The following NBAS variants were observed in gnomAD, a reference collection of about 807,000 sequenced individuals.
NBAS encodes NAG/BC035112 fusion.
In NBAS, 219 loss-of-function variants were observed where a neutral mutation model predicts 302.5. The ratio of observed to expected loss-of-function variants is 0.72; its 90% CI spans 0.65 to 0.81. The LOEUF (loss-of-function observed/expected upper bound fraction) is 0.81. NBAS is among the 30% of genes least tolerant of loss of function. The pLI is 0.00. For missense variants in NBAS, 2,932 were observed against 2,841.6 expected (o/e 1.03, Z -0.72); for synonymous variants, 1,118 against 1,021.6 (o/e 1.09, Z -1.80).
chr2:15,097,602 G>A, the NBAS span, among the ~76,000 whole-genome samples: 2 of 151,896 alleles, frequency 1.3e-5, no homozygotes, highest in East Asian at 3.9e-4. Flanking sequence ...CATATGGAAA[G>A]CTGTCCTCTC....
At position 15,561,320 on chromosome 2, in the gene NBAS, A is replaced by G. The variant is rs371059020; in HGVS notation, c.-16T>C. 6 of 1,606,980 alleles carry G rather than the reference A, an allele frequency of 3.7e-6. No homozygotes were observed. The highest frequency in any genetic ancestry group is 5.1e-6 in the Non-Finnish European group (6 of 1,176,300). ...GGGCCGCCATGTTCGCCGAGGACTC[A>G]GGCAGCGGAGGAGTGTCTCTACGGA... On this transcript the variant is annotated 5_prime_UTR_variant, in exon 1 of 52. Transcript: ENST00000281513.
chr2:15,415,959 CAT>C (rs1676910272), intron 24 of NBAS, among the ~76,000 whole-genome samples: 1 of 152,128 alleles, frequency 6.6e-6, no homozygotes, highest in Admixed American at 6.6e-5. Context: ...CACTATGGCT[CAT>C]CTCTTTACAT....
chr2:15,230,795 G>A (rs1053793316), intron 47 of NBAS, among the ~76,000 whole-genome samples: 1 of 152,162 alleles, frequency 6.6e-6, no homozygotes, highest in Non-Finnish European at 1.5e-5. Flanking sequence ...TGACAAGCTG[G>A]GAGTGAGATG....
chr2:15,559,466 G>T (rs1451047713), intron 1 of NBAS, among the ~76,000 whole-genome samples: 1 of 152,202 alleles, frequency 6.6e-6, no homozygotes, highest in Non-Finnish European at 1.5e-5. Context: ...GCTAGGCACT[G>T]CATAAGATGC....
chr2:14,979,076 G>C, the NBAS span, among the ~76,000 whole-genome samples: 1 of 152,150 alleles, frequency 6.6e-6, no homozygotes, highest in South Asian at 2.1e-4. Flanking sequence ...TATAAATTTA[G>C]TAATGAAATG....
chr2:15,451,561 A>T (rs1399279685), intron 21 of NBAS, among the ~76,000 whole-genome samples: 2 of 152,128 alleles, frequency 1.3e-5, no homozygotes, highest in African/African-American at 4.8e-5. Flanking sequence ...TTTAAAGGTA[A>T]ATTTCTTATT....
chr2:15,037,823 G>A, the NBAS span, among the ~76,000 whole-genome samples: 122,375 of 151,986 alleles, frequency 0.81, 49,772 homozygotes, highest in East Asian at 1. Flanking sequence ...ACAGTAAAAA[G>A]TTAATTCAGT....
the NBAS span, among the ~76,000 whole-genome samples, chr2:15,002,733 G>A: frequency 2.6e-5 from 4 of 152,224 alleles, no homozygotes; most frequent in African/African-American, 9.6e-5. Flanking sequence ...CAGTGGGCTG[G>A]CACTGCTGGG....
intron 48 of NBAS, among the ~76,000 whole-genome samples, chr2:15,214,262 A>G (rs931115606): frequency 6.6e-6 from 1 of 152,000 alleles, no homozygotes; most frequent in African/African-American, 2.4e-5. Context: ...TGGAATTTAT[A>G]TCCTAATGGA....
chr2:15,182,387 T>C (rs908509236), intron 50 of NBAS, among the ~76,000 whole-genome samples: 17 of 152,214 alleles, frequency 1.1e-4, no homozygotes, highest in African/African-American at 2.4e-5. Context: ...AATGGTTAAA[T>C]AACTTGAGTG....
rs372960591 is a variant in NBAS, at chr2:15,167,342, G to A, written c.6841-19C>T. ...CATTCACCTTCAAGAAATAAGACAG[G>A]CACAGCGTGAGGGGGTGTTTGCTTT... On this transcript the variant is annotated intron_variant, in intron 51 of 51. Coordinates refer to ENST00000281513, the MANE Select transcript of NBAS (RefSeq NM_015909.4). 1.2e-5 allele frequency: 20 copies of A among 1,613,834 alleles called. No homozygotes were observed. The highest frequency in any genetic ancestry group is 1.6e-5 in the Non-Finnish European group (19 of 1,179,934).
the NBAS span, among the ~76,000 whole-genome samples, chr2:14,805,445 T>C: frequency 6.6e-6 from 1 of 152,060 alleles, no homozygotes; most frequent in Non-Finnish European, 1.5e-5. Context: ...TGCAGGCAAA[T>C]AAGAGCCATG....
the NBAS span, among the ~76,000 whole-genome samples, chr2:14,985,628 T>C: frequency 3.9e-5 from 6 of 152,336 alleles, no homozygotes; most frequent in East Asian, 9.6e-4. Flanking sequence ...AGAAATCTAT[T>C]GAGGACAGGG....
chr2:15,373,055 C>T, intron 31 of NBAS, among the ~76,000 whole-genome samples: 1 of 152,094 alleles, frequency 6.6e-6, no homozygotes, highest in Non-Finnish European at 1.5e-5. Context: ...CTGGATTCTT[C>T]CTTGACTAAA....
At chr2:15,222,798 C>G (rs1427017979) in intron 47 of NBAS, among the ~76,000 whole-genome samples, 1 of 152,160 alleles carries the variant, frequency 6.6e-6, no homozygotes, top group Non-Finnish European at 1.5e-5. Context: ...CGGGCTATTC[C>G]AGAACAGTGT....
intron 44 of NBAS, among the ~76,000 whole-genome samples, chr2:15,258,805 T>G (rs187205897): frequency 6.6e-6 from 1 of 152,232 alleles, no homozygotes; most frequent in Non-Finnish European, 1.5e-5. Flanking sequence ...CAGAAGCATG[T>G]GATCTTTGTT....
At chr2:15,328,118 T>A (rs553404947) in intron 37 of NBAS, 81 bp downstream of exon 37, 1 of 1,381,940 alleles carries the variant, frequency 7.2e-7, no homozygotes, top group East Asian at 2.3e-5. Context: ...AAGTATATTT[T>A]CAAGAAAATT....
the NBAS span, among the ~76,000 whole-genome samples, chr2:15,131,043 A>G: frequency 6.6e-6 from 1 of 152,066 alleles, no homozygotes; most frequent in Non-Finnish European, 1.5e-5. Flanking sequence ...TTATACGCCA[A>G]CCCTTTTTAT....
chr2:14,837,468 C>CT, the NBAS span, among the ~76,000 whole-genome samples: 153 of 151,210 alleles, frequency 1.0e-3, 2 homozygotes, highest in African/African-American at 3.6e-3. Context: ...GCTGTTTCTC[C>CT]TTTTTTCTAG....
Sources: gnomAD v4.1 joint callset for allele counts (sites outside exome capture counted in the v4.1 genomes callset) on GRCh38, gnomAD v4.1.1 for gene constraint, MANE v1.5 for transcripts, NCBI Gene and HGNC (gene_info 2026-07-23, HGNC 2026-07-21) for gene names.